The following CORIN variants were observed in gnomAD, a reference collection of about 807,000 sequenced individuals.
CORIN encodes atrial natriuretic peptide-converting enzyme.
CORIN carries 117 observed loss-of-function variants against 125.3 expected under a neutral mutation model. The ratio of observed to expected loss-of-function variants is 0.93; its 90% CI spans 0.80 to 1.09. The LOEUF is 1.09. CORIN is among the 50% of genes least tolerant of loss of function. The pLI is 0.00. For synonymous variants in CORIN, 450 were observed against 466.4 expected, an observed-to-expected ratio of 0.96 and a Z score of 0.45; for missense variants, 1,253 against 1,306.7, an observed-to-expected ratio of 0.96 and a Z score of 0.63.
chr4:47,664,844 G>A (rs1231797633), intron 11 of CORIN, among the ~76,000 whole-genome samples, 188 bp downstream of exon 11: 2 of 152,230 alleles, frequency 1.3e-5, no homozygotes, highest in South Asian at 2.1e-4. Context: ...TTGGTACTTC[G>A]TTAATGAATT....
intron 1 of CORIN, among the ~76,000 whole-genome samples, chr4:47,823,047 T>C (rs554529157): frequency 6.6e-6 from 1 of 152,190 alleles, no homozygotes; most frequent in Non-Finnish European, 1.5e-5. Flanking sequence ...TCTCTTGACC[T>C]CATGATCTGT....
At chr4:47,768,088 C>T (rs28455705) in intron 3 of CORIN, among the ~76,000 whole-genome samples, 8,254 of 152,206 alleles carry the variant, frequency 0.054, 699 homozygotes, top group African/African-American at 0.18. Context: ...TGGCTCACCC[C>T]GGCTCAAAAG....
At chr4:47,837,584 C>CA in intron 1 of CORIN, 1 of 520,124 alleles carries the variant, frequency 1.9e-6, no homozygotes, top group East Asian at 3.5e-5. Flanking sequence ...TCACCCCCGG[C>CA]ATGGAGACCG....
At chr4:47,697,431 G>T (rs977964397) in intron 5 of CORIN, among the ~76,000 whole-genome samples, 1 of 152,044 alleles carries the variant, frequency 6.6e-6, no homozygotes, top group Non-Finnish European at 1.5e-5. Flanking sequence ...AAGGAGTGAG[G>T]GGCCAGGTGC....
chr4:47,674,384 T>C lies in CORIN; in HGVS notation c.1357+9A>G. 2 of 1,570,236 alleles carry C rather than the reference T, an allele frequency of 1.3e-6. No individual in the cohort carries two copies. Among genetic ancestry groups the C allele is most frequent in the Non-Finnish European group, 1.8e-6 (2 of 1,140,092 alleles). On this transcript the variant is annotated intron_variant, in intron 10 of 21. Transcript: ENST00000273857. ...CATGGCTATTGCATTTGTCAGCTGT[T>C]GTACTTACTACAGTTATTCAGACTG...
At chr4:47,725,477 G>A (rs372555027) in intron 5 of CORIN, among the ~76,000 whole-genome samples, 3 of 151,896 alleles carry the variant, frequency 2.0e-5, no homozygotes, top group African/African-American at 7.3e-5. Flanking sequence ...ACGAGAATAA[G>A]GTCAATTAAT....
chr4:47,764,846 C>CT (rs1729636234), intron 3 of CORIN, among the ~76,000 whole-genome samples: 3 of 152,078 alleles, frequency 2.0e-5, no homozygotes, highest in Admixed American at 6.6e-5. Context: ...TTGACCACAC[C>CT]TTTTTATCAG....
chr4:47,761,198 G>A (rs559982546), intron 4 of CORIN, among the ~76,000 whole-genome samples: 1 of 152,318 alleles, frequency 6.6e-6, no homozygotes, highest in Non-Finnish European at 1.5e-5. Context: ...TAACTGTTGG[G>A]TGCAAGAGGC....
intron 5 of CORIN, among the ~76,000 whole-genome samples, chr4:47,724,136 T>TG (rs1727482813): frequency 6.6e-6 from 1 of 151,918 alleles, no homozygotes; most frequent in Non-Finnish European, 1.5e-5. Flanking sequence ...GTAATAACCA[T>TG]ACTCCATGAA....
At chr4:47,777,007 G>A (rs73814824) in intron 3 of CORIN, among the ~76,000 whole-genome samples, 23,190 of 152,054 alleles carry the variant, frequency 0.15, 1,967 homozygotes, top group East Asian at 0.31. Flanking sequence ...AATTGAAATC[G>A]ATCATGTTTG....
intron 4 of CORIN, among the ~76,000 whole-genome samples, chr4:47,757,885 T>TATATATATATATATAC (rs1245744620): frequency 4.2e-5 from 6 of 142,294 alleles, no homozygotes; most frequent in African/African-American, 1.6e-4. Context: ...TATGTATATA[T>TATATATATATATATAC]ATATATATAT....
intron 6 of CORIN, among the ~76,000 whole-genome samples, chr4:47,691,690 G>A (rs1039276473): frequency 2.0e-5 from 3 of 149,746 alleles, no homozygotes; most frequent in Non-Finnish European, 4.4e-5. Flanking sequence ...ATACAAATGT[G>A]TATTCTAACC....
intron 3 of CORIN, among the ~76,000 whole-genome samples, chr4:47,784,159 G>A (rs973762214): frequency 6.6e-6 from 1 of 152,102 alleles, no homozygotes; most frequent in Non-Finnish European, 1.5e-5. Context: ...GGATCACAGA[G>A]AAAATATTCA....
chr4:47,820,003 G>A (rs1419248405), intron 1 of CORIN, among the ~76,000 whole-genome samples: 1 of 152,142 alleles, frequency 6.6e-6, no homozygotes, highest in African/African-American at 2.4e-5. Flanking sequence ...AGCCAGACAA[G>A]CAGCCCCATC....
At chr4:47,787,669 C>T (rs928462439) in intron 2 of CORIN, among the ~76,000 whole-genome samples, 4 of 152,302 alleles carry the variant, frequency 2.6e-5, no homozygotes, top group African/African-American at 9.6e-5. Flanking sequence ...TGTTTGGTAA[C>T]GAGTAAGTTC....
In CORIN at chr4:47,786,707, T is replaced by A. The variant is rs1305219562; in HGVS notation, c.409+18A>T. The A allele has an allele frequency of 6.2e-7, 1 of 1,603,310 alleles. No individual in the cohort carries two copies. Among genetic ancestry groups the A allele is most frequent in the Admixed American group, 1.7e-5 (1 of 59,922 alleles). ...TGGGACATTAAAAGCCTCTAGCATG[T>A]ATCACCTTTGGACTTACTTGTATTC... is the stretch of plus-strand genomic sequence containing the variant. On this transcript the variant is annotated intron_variant, in intron 3 of 21. Coordinates refer to ENST00000273857, the MANE Select transcript of CORIN (RefSeq NM_006587.4).
chr4:47,776,196 T>A (rs951407765), intron 3 of CORIN, among the ~76,000 whole-genome samples: 4 of 151,868 alleles, frequency 2.6e-5, no homozygotes, highest in Middle Eastern at 3.4e-3. Flanking sequence ...TTTGTATTTT[T>A]TGTAGAGATA....
intron 1 of CORIN, among the ~76,000 whole-genome samples, chr4:47,829,549 G>A (rs984796265): frequency 1.3e-5 from 2 of 152,192 alleles, no homozygotes; most frequent in African/African-American, 4.8e-5. Flanking sequence ...CTGATTCATG[G>A]CCAATCAGTC....
intron 5 of CORIN, among the ~76,000 whole-genome samples, chr4:47,713,128 G>C (rs966908389): frequency 6.6e-6 from 1 of 152,118 alleles, no homozygotes; most frequent in Non-Finnish European, 1.5e-5. Flanking sequence ...AAGCTATAGG[G>C]AATAAAAAGA....
Sources: gnomAD v4.1 joint callset for allele counts (sites outside exome capture counted in the v4.1 genomes callset) on GRCh38, gnomAD v4.1.1 for gene constraint, MANE v1.5 for transcripts, NCBI Gene and HGNC (gene_info 2026-07-23, HGNC 2026-07-21) for gene names.